ARHGAP15: variants seen among roughly 807,000 people sequenced by gnomAD.
ARHGAP15 encodes rho GTPase-activating protein 15.
ARHGAP15 carries 51 observed loss-of-function variants against 63.7 expected under a neutral mutation model. The observed-to-expected ratio is 0.80, with a 90% CI of 0.64 to 1.01. The LOEUF (loss-of-function observed/expected upper bound fraction) is 1.01, where lower values mean the gene tolerates loss of function less well. ARHGAP15 is among the 50% of genes least tolerant of loss of function. ARHGAP15 has a pLI of 0.00. For synonymous variants in ARHGAP15, 191 were observed against 193.8 expected, an observed-to-expected ratio of 0.99 and a Z score of 0.12; for missense variants, 560 against 564.6, an observed-to-expected ratio of 0.99 and a Z score of 0.08.
chr2:143,451,897 T>C (rs1280990662), intron 8 of ARHGAP15, among the ~76,000 whole-genome samples: 1 of 151,982 alleles, frequency 6.6e-6, no homozygotes, highest in African/African-American at 2.4e-5. Flanking sequence ...GGTGCCGAAC[T>C]TTGCACCATT....
rs188150907 is a variant in ARHGAP15 at position 143,482,994 on chromosome 2, G to A, written c.704-4379G>A. ...AAGTTGACGTTCTAGTCTGTCTCCA[G>A]GAAAGTAATCATTAGAGCCAACTTT... On this transcript the variant is annotated intron_variant, in intron 8 of 13. Coordinates refer to ENST00000295095, the MANE Select transcript of ARHGAP15 (RefSeq NM_018460.4). Among the ~76,000 whole-genome samples, 25 of 152,280 alleles carry A rather than the reference G, an allele frequency of 1.6e-4. No individual in the cohort carries two copies. The East Asian group carries it at 3.9e-3, about 23-fold the overall frequency.
intron 13 of ARHGAP15, among the ~76,000 whole-genome samples, chr2:143,718,170 G>A (rs1684894094): frequency 6.6e-6 from 1 of 152,048 alleles, no homozygotes; most frequent in Non-Finnish European, 1.5e-5. Context: ...TAATGTCTAG[G>A]CTGAGAAAAG....
At chr2:143,386,842 T>A (rs1558937086) in intron 6 of ARHGAP15, among the ~76,000 whole-genome samples, 1 of 151,942 alleles carries the variant, frequency 6.6e-6, no homozygotes, top group Non-Finnish European at 1.5e-5. Context: ...GTTGTTTATT[T>A]TTTTTTTGGT....
chr2:143,414,019 C>T (rs1574414160), intron 6 of ARHGAP15, among the ~76,000 whole-genome samples: 1 of 149,278 alleles, frequency 6.7e-6, no homozygotes, highest in South Asian at 2.1e-4. Flanking sequence ...TTGCCTGAAA[C>T]GTTTTGCTTG....
At chr2:143,757,993 AATCTACAT>A (rs1394356539) in intron 13 of ARHGAP15, among the ~76,000 whole-genome samples, 1 of 152,112 alleles carries the variant, frequency 6.6e-6, no homozygotes, top group Non-Finnish European at 1.5e-5. Flanking sequence ...GAAACTTAGA[AATCTACAT>A]ATGCAAGGAT....
At chr2:143,359,430 T>C (rs1263893609) in intron 6 of ARHGAP15, among the ~76,000 whole-genome samples, 1 of 152,156 alleles carries the variant, frequency 6.6e-6, no homozygotes. Flanking sequence ...CTATTGCCTC[T>C]TTTTTTGAAA....
chr2:143,334,968 T>C (rs1248756493), intron 6 of ARHGAP15, among the ~76,000 whole-genome samples: 1 of 152,208 alleles, frequency 6.6e-6, no homozygotes, highest in African/African-American at 2.4e-5. Flanking sequence ...GGGATGAGAA[T>C]GTGGTGACCA....
intron 10 of ARHGAP15, among the ~76,000 whole-genome samples, chr2:143,520,253 C>A (rs961058543): frequency 1.3e-5 from 2 of 152,120 alleles, no homozygotes; most frequent in African/African-American, 4.8e-5. Flanking sequence ...GGGAAAAAAT[C>A]TTTACCCAAT....
At chr2:143,161,737 C>T (rs1381362057) in intron 2 of ARHGAP15, among the ~76,000 whole-genome samples, 2 of 151,862 alleles carry the variant, frequency 1.3e-5, no homozygotes, top group Non-Finnish European at 2.9e-5. Flanking sequence ...CAACAATGAA[C>T]AACTAGAACG....
intron 12 of ARHGAP15, among the ~76,000 whole-genome samples, chr2:143,684,707 G>T (rs9653185): frequency 4.4e-4 from 67 of 152,102 alleles, no homozygotes; most frequent in African/African-American, 1.4e-3. Flanking sequence ...CAAGCTAACC[G>T]GTTAAATATG....
At chr2:143,134,539 A>G (rs1689052550) in intron 1 of ARHGAP15, among the ~76,000 whole-genome samples, 1 of 152,192 alleles carries the variant, frequency 6.6e-6, no homozygotes, top group Non-Finnish European at 1.5e-5. Flanking sequence ...AGACCAAAAC[A>G]TTAGTGACTT....
chr2:143,539,902 G>T (rs1224284088), intron 10 of ARHGAP15, among the ~76,000 whole-genome samples: 1 of 151,988 alleles, frequency 6.6e-6, no homozygotes, highest in African/African-American at 2.4e-5. Context: ...AGGTCTGCTT[G>T]GTGCAGAGCT....
intron 11 of ARHGAP15, among the ~76,000 whole-genome samples, chr2:143,606,049 A>AAAAC (rs1559076814): frequency 7.4e-6 from 1 of 135,188 alleles, no homozygotes; most frequent in African/African-American, 2.8e-5. Flanking sequence ...AAAAAAAAAA[A>AAAAC]AAAAAAAAAA....
intron 10 of ARHGAP15, among the ~76,000 whole-genome samples, chr2:143,545,571 G>A (rs1333973092): frequency 2.0e-5 from 3 of 151,988 alleles, no homozygotes; most frequent in Non-Finnish European, 4.4e-5. Flanking sequence ...TCTGTATTGT[G>A]TCTGTGTATT....
intron 12 of ARHGAP15, chr2:143,648,781 T>A (rs947895786): frequency 6.6e-6 from 1 of 152,040 alleles, no homozygotes; most frequent in Non-Finnish European, 1.5e-5. Context: ...CCTATGATTT[T>A]CATATAATCA....
At chr2:143,323,188 G>GA (rs1684101175) in intron 6 of ARHGAP15, among the ~76,000 whole-genome samples, 1 of 152,238 alleles carries the variant, frequency 6.6e-6, no homozygotes, top group South Asian at 2.1e-4. Flanking sequence ...CACAGATTGA[G>GA]AAGGAACACG....
intron 12 of ARHGAP15, among the ~76,000 whole-genome samples, chr2:143,661,006 G>A (rs1198307754): frequency 6.6e-6 from 1 of 152,190 alleles, no homozygotes; most frequent in Non-Finnish European, 1.5e-5. Context: ...GAGAACCCAT[G>A]TTCTTGCCTT....
chr2:143,346,192 ACTCT>A lies in ARHGAP15; in HGVS notation c.475-89401_475-89398del, dbSNP rs1201623811. ...CACACACTCTCTCTCTCACACACAC[ACTCT>A]CTCTCTCACACACACACTCTCTCTC... On this transcript the variant is annotated intron_variant, in intron 6 of 13. Transcript: ENST00000295095. Among the ~76,000 whole-genome samples the A allele has an allele frequency of 7.6e-4, 111 of 145,226 alleles. 1 individual carries two copies. The highest frequency in any genetic ancestry group is 2.4e-3 in the African/African-American group (92 of 39,020).
At chr2:143,326,863 T>G (rs1684275181) in intron 6 of ARHGAP15, among the ~76,000 whole-genome samples, 1 of 152,182 alleles carries the variant, frequency 6.6e-6, no homozygotes, top group African/African-American at 2.4e-5. Context: ...AAGACAAGGA[T>G]GCCCTCTCTC....
Sources: allele counts gnomAD v4.1 joint callset (sites outside exome capture counted in the v4.1 genomes callset), GRCh38; gene constraint gnomAD v4.1.1; transcripts MANE v1.5; gene names NCBI Gene and HGNC (gene_info 2026-07-23, HGNC 2026-07-21).